The following GLP2R variants were observed in gnomAD, a reference collection of about 807,000 sequenced individuals.
GLP2R encodes the protein glucagon like peptide 2 receptor.
A neutral mutation model predicts 68.2 loss-of-function variants in GLP2R; 59 were observed. The ratio of observed to expected loss-of-function variants is 0.87; its 90% CI spans 0.70 to 1.07. The LOEUF is 1.07. GLP2R is among the 50% of genes least tolerant of loss of function. The probability of loss-of-function intolerance (pLI) is 0.00; values close to 1 mark genes in which losing one functional copy is unlikely to be tolerated. For synonymous variants in GLP2R, 270 were observed against 265.4 expected (o/e 1.02, Z -0.17); for missense variants, 548 against 677.4 (o/e 0.81, Z 2.12).
chr17:9,856,826 C>T (rs903406053), intron 5 of GLP2R, among the ~76,000 whole-genome samples: 3 of 152,146 alleles, frequency 2.0e-5, no homozygotes, highest in Non-Finnish European at 4.4e-5. Flanking sequence ...ATTCCTATAC[C>T]TCCAGTGGTG....
At chr17:9,842,641 A>C in intron 4 of GLP2R, 25 bp downstream of exon 4, 1 of 1,612,088 alleles carries the variant, frequency 6.2e-7, no homozygotes, top group Non-Finnish European at 8.5e-7. Context: ...CTCAGTGAGG[A>C]GGCATCCAGG....
intron 11 of GLP2R, 23 bp downstream of exon 11, chr17:9,880,539 A>G (rs746151767): frequency 5.3e-6 from 8 of 1,523,156 alleles, no homozygotes; most frequent in Non-Finnish European, 7.2e-6. Flanking sequence ...CTGAACCAAA[A>G]TGCCTTGACT....
At chr17:9,864,242 C>T (rs953707648) in intron 9 of GLP2R, among the ~76,000 whole-genome samples, 1 of 152,226 alleles carries the variant, frequency 6.6e-6, no homozygotes, top group Non-Finnish European at 1.5e-5. Flanking sequence ...GCACCAGCAT[C>T]GCCTGAGCGC....
At chr17:9,828,262 CCT>C (rs2066650249) in intron 1 of GLP2R, among the ~76,000 whole-genome samples, 4 of 152,182 alleles carry the variant, frequency 2.6e-5, no homozygotes, top group Non-Finnish European at 5.9e-5. Flanking sequence ...ATCTTGGCAG[CCT>C]CTCCCCCAGT....
intron 4 of GLP2R, among the ~76,000 whole-genome samples, chr17:9,846,738 TGAG>T (rs2066842431): frequency 6.6e-6 from 1 of 152,192 alleles, no homozygotes; most frequent in Non-Finnish European, 1.5e-5. Flanking sequence ...TAATAAATAT[TGAG>T]GACAAATAAA....
At position 9,826,884 on chromosome 17, in the gene GLP2R, T is replaced by C. The variant is rs144062021; in HGVS notation, c.189+632T>C. On this transcript the variant is annotated intron_variant, in intron 1 of 12. Coordinates refer to ENST00000262441, the MANE Select transcript of GLP2R (RefSeq NM_004246.3). ...AGTTTTTTGTTTGTTTGTTTGTTTG[T>C]TTTTTGAGATGGGGTCTCGCTCTGT... Among the ~76,000 whole-genome samples the C allele has an allele frequency of 6.1e-4, 93 of 152,288 alleles. 1 individual carries two copies. The highest frequency in any genetic ancestry group is 2.1e-3 in the African/African-American group (88 of 41,568).
intron 4 of GLP2R, among the ~76,000 whole-genome samples, chr17:9,847,752 C>A (rs1311029189): frequency 6.6e-6 from 1 of 152,174 alleles, no homozygotes; most frequent in African/African-American, 2.4e-5. Context: ...AGGTTCTACA[C>A]GTTTCATAAA....
chr17:9,852,299 C>T (rs1351671041), intron 4 of GLP2R, among the ~76,000 whole-genome samples: 2 of 152,080 alleles, frequency 1.3e-5, no homozygotes, highest in Non-Finnish European at 2.9e-5. Context: ...TTAACTTCCA[C>T]TTATGAGTGA....
chr17:9,842,726 G>C, intron 4 of GLP2R, 110 bp downstream of exon 4: 1 of 1,201,066 alleles, frequency 8.3e-7, no homozygotes, highest in South Asian at 1.4e-5. Context: ...CTTCTCCAGC[G>C]CCTCTCCCCG....
chr17:9,870,983 G>A, intron 10 of GLP2R, 148 bp downstream of exon 10: 1 of 586,154 alleles, frequency 1.7e-6, no homozygotes, highest in East Asian at 2.8e-5. Context: ...GATCAAGTGA[G>A]GCTTTTGTCA....
rs1555571767 is a variant in GLP2R at position 9,859,634 on chromosome 17, A to AT, written c.766-308_766-307insT. 2.7e-3 allele frequency among the ~76,000 whole-genome samples: 267 copies of AT among 99,394 alleles called. 1 individual carries two copies. Among genetic ancestry groups the AT allele is most frequent in the African/African-American group, 0.012 (230 of 19,512 alleles). 65.2% of individuals were successfully genotyped at this position (99,394 alleles called of 152,430 possible). A position where few individuals can be genotyped will look rare whatever the true frequency, so the allele number is the denominator to read the frequency against. ...GGTGAAACCCTGTGTCTACTAAAAA[A>AT]AAATATATATATATATATACATACA... On this transcript the variant is annotated intron_variant, in intron 6 of 12. Coordinates refer to ENST00000262441, the MANE Select transcript of GLP2R (RefSeq NM_004246.3).
chr17:9,867,741 G>A (rs2067052602), intron 9 of GLP2R, among the ~76,000 whole-genome samples: 1 of 152,124 alleles, frequency 6.6e-6, no homozygotes, highest in Non-Finnish European at 1.5e-5. Flanking sequence ...GCTGTTTTGA[G>A]CTAACAAATT....
chr17:9,837,810 C>T (rs73255028), intron 3 of GLP2R, among the ~76,000 whole-genome samples: 6,807 of 152,252 alleles, frequency 0.045, 401 homozygotes, highest in African/African-American at 0.13. Flanking sequence ...TAAAACTGTT[C>T]TCAGGAAAGA....
intron 5 of GLP2R, among the ~76,000 whole-genome samples, chr17:9,855,384 A>G (rs774782559): frequency 6.6e-6 from 1 of 152,226 alleles, no homozygotes; most frequent in African/African-American, 2.4e-5. Context: ...GACTCCTGAC[A>G]GCTTTACCTC....
At chr17:9,827,847 A>G (rs1244053955) in intron 1 of GLP2R, among the ~76,000 whole-genome samples, 1 of 151,126 alleles carries the variant, frequency 6.6e-6, no homozygotes, top group African/African-American at 2.4e-5. Context: ...CTGTAATGCC[A>G]GTTGCTCAGG....
chr17:9,878,335 A>G (rs779232242), intron 10 of GLP2R, among the ~76,000 whole-genome samples: 1 of 152,228 alleles, frequency 6.6e-6, no homozygotes, highest in African/African-American at 2.4e-5. Context: ...AGATGACTCC[A>G]ATAACAAAAA....
In GLP2R at chr17:9,887,983, C is replaced by A. The variant is rs780512614; in HGVS notation, c.1326+10C>A. On this transcript the variant is annotated intron_variant, in intron 12 of 12. Coordinates refer to ENST00000262441, the MANE Select transcript of GLP2R (RefSeq NM_004246.3). ...TTTTGCCAATGGAGAGGTATGATTT[C>A]CACGTTGCCATCCTGGTTTCATGTG... 6.2e-6 allele frequency: 10 copies of A among 1,601,724 alleles called. No homozygotes were observed. In the African/African-American group the frequency reaches 1.2e-4, roughly 19 times the overall value.
At chr17:9,869,040 G>T (rs2067067112) in intron 9 of GLP2R, among the ~76,000 whole-genome samples, 1 of 152,114 alleles carries the variant, frequency 6.6e-6, no homozygotes, top group Non-Finnish European at 1.5e-5. Context: ...CATCATTCCT[G>T]CTGGCTTCAG....
rs2066773086 is a variant in GLP2R at position 9,840,215 on chromosome 17, A to C, written c.383-2280A>C. Among the ~76,000 whole-genome samples, 3 of 151,648 alleles carry C rather than the reference A, an allele frequency of 2.0e-5. No homozygotes were observed. The South Asian group carries it at 6.3e-4, about 32-fold the overall frequency. ...TGGTCTCGAACTTCTGACCTCGTGA[A>C]CCTCCCGCCTTGGCCTCCCAAAATG... On this transcript the variant is annotated intron_variant, in intron 3 of 12. Coordinates refer to ENST00000262441, the MANE Select transcript of GLP2R (RefSeq NM_004246.3).
Sources: allele counts gnomAD v4.1 joint callset (sites outside exome capture counted in the v4.1 genomes callset), GRCh38; gene constraint gnomAD v4.1.1; transcripts MANE v1.5; gene names NCBI Gene and HGNC (gene_info 2026-07-23, HGNC 2026-07-21).